Variants in TRIM69 observed in about 807,000 individuals in gnomAD.
TRIM69 encodes tripartite motif containing 69.
TRIM69 carries 29 observed loss-of-function variants against 37.7 expected under a neutral mutation model. The observed-to-expected ratio is 0.77, with a 90% CI of 0.57 to 1.05. TRIM69 has a LOEUF of 1.05. Ranked by LOEUF, TRIM69 falls within the 50% of genes least tolerant of loss-of-function variation. The pLI is 0.00. For missense variants in TRIM69, 596 were observed against 579.9 expected (o/e 1.03, Z -0.28); for synonymous variants, 209 against 212.4 (o/e 0.98, Z 0.14).
Position 44,755,075 on chromosome 15 carries a change from G to C in TRIM69, c.182G>C (p.Cys61Ser). 1 of 1,614,210 alleles carries C rather than the reference G, an allele frequency of 6.2e-7. No individual in the cohort carries two copies. The highest frequency in any genetic ancestry group is 2.2e-5 in the East Asian group (1 of 44,890). Reference sequence around the variant, plus strand: ...ATGCTAAGCTGTGGCCACAACTTCTGTGAAGCCTGTATCCAAGACTTTTGG... The same window carrying C: ...ATGCTAAGCTGTGGCCACAACTTCTCTGAAGCCTGTATCCAAGACTTTTGG... ...PLMLSCGHNF[C>S]EACIQDFWRL... is the part of the protein sequence containing the mutation. The change falls in exon 2 of 7, where the codon TGT becomes TCT. Residue 61 changes from cysteine (C) to serine (S), a missense_variant. Transcript: ENST00000329464.
rs554499681 is a variant in TRIM69, at chr15:44,745,773, A to G, written c.6+9063A>G. On this transcript the variant is annotated intron_variant, in intron 1 of 6. Transcript: ENST00000329464. The stretch of plus-strand genomic sequence containing the variant: ...ATAATAACTGAAATGAGAAATTCGC[A>G]AGAAGTGTTCAAATCAGATTTGAGC... Among the ~76,000 whole-genome samples the G allele has an allele frequency of 1.9e-4, 29 of 152,296 alleles. No individual in the cohort carries two copies. The South Asian group carries it at 5.6e-3, about 29-fold the overall frequency.
At chr15:44,754,209 C>G (rs933915885) in intron 1 of TRIM69, 3 of 151,606 alleles carry the variant, frequency 2.0e-5, no homozygotes, top group Admixed American at 1.3e-4. Context: ...TTACTGCAAC[C>G]TCTGCCTCCT....
At chr15:44,741,515 A>C (rs962615332) in intron 1 of TRIM69, among the ~76,000 whole-genome samples, 3 of 152,246 alleles carry the variant, frequency 2.0e-5, no homozygotes, top group African/African-American at 7.2e-5. Context: ...TCAAAAAGTT[A>C]ATGAATCCAG....
At chr15:44,759,692 T>A (rs1188782409) in intron 5 of TRIM69, 30 bp downstream of exon 5, 1 of 1,614,150 alleles carries the variant, frequency 6.2e-7, no homozygotes, top group Non-Finnish European at 8.5e-7. Context: ...ACTATTAATA[T>A]CATTCCTTGA....
At chr15:44,738,539 A>G (rs1269610959) in intron 1 of TRIM69, among the ~76,000 whole-genome samples, 1 of 152,242 alleles carries the variant, frequency 6.6e-6, no homozygotes, top group African/African-American at 2.4e-5. Context: ...CAGAAATTTT[A>G]GACTCTCATT....
At chr15:44,752,844 T>C (rs2141135707) in intron 1 of TRIM69, 1 of 152,296 alleles carries the variant, frequency 6.6e-6, no homozygotes. Flanking sequence ...CGATCTAGGG[T>C]GAATTAATGC....
chr15:44,747,113 C>G lies in TRIM69; in HGVS notation c.7-7787C>G, dbSNP rs183880469. Reference sequence around the variant, plus strand: ...CATCCTGTTGGCCACAACCCACAAGCCCTGGTACAGAACAAAGAGAACAGG... The same window carrying G: ...CATCCTGTTGGCCACAACCCACAAGGCCTGGTACAGAACAAAGAGAACAGG... On this transcript the variant is annotated intron_variant, in intron 1 of 6. Transcript: ENST00000329464. Among the ~76,000 whole-genome samples, 144 of 152,242 alleles carry G rather than the reference C, an allele frequency of 9.5e-4. 1 individual carries two copies. The highest frequency in any genetic ancestry group is 6.8e-3 in the Middle Eastern group (2 of 294).
At chr15:44,736,750 AG>A (rs1274507081) in intron 1 of TRIM69, 40 bp downstream of exon 1, 1 of 1,602,800 alleles carries the variant, frequency 6.2e-7, no homozygotes, top group African/African-American at 1.4e-5. Flanking sequence ...CAGGGCTTCT[AG>A]GAATAGTGTG....
At chr15:44,744,369 A>C (rs2087358341) in intron 1 of TRIM69, among the ~76,000 whole-genome samples, 1 of 147,698 alleles carries the variant, frequency 6.8e-6, no homozygotes, top group Non-Finnish European at 1.5e-5. Context: ...TGATGAGTTA[A>C]TGGGTGCAGC....
intron 3 of TRIM69, chr15:44,758,165 G>C: frequency 6.0e-6 from 1 of 166,462 alleles, no homozygotes; most frequent in Admixed American, 5.7e-5. Flanking sequence ...GGATGTTGAG[G>C]TAACCCAAGG....
At chr15:44,750,036 T>C (rs1213437124) in intron 1 of TRIM69, among the ~76,000 whole-genome samples, 1 of 152,254 alleles carries the variant, frequency 6.6e-6, no homozygotes, top group Non-Finnish European at 1.5e-5. Flanking sequence ...CTTTGCATAA[T>C]TGTCTATTCA....
intron 6 of TRIM69, among the ~76,000 whole-genome samples, chr15:44,760,506 C>T (rs2087752547): frequency 6.6e-6 from 1 of 151,960 alleles, no homozygotes; most frequent in Non-Finnish European, 1.5e-5. Context: ...TTCATAGACT[C>T]ATCATTATTA....
chr15:44,738,206 G>A (rs949418926), intron 1 of TRIM69, among the ~76,000 whole-genome samples: 4 of 149,210 alleles, frequency 2.7e-5, no homozygotes, highest in Non-Finnish European at 5.9e-5. Flanking sequence ...CTGCAGGGAC[G>A]CACCACCACG....
chr15:44,757,486 CT>C (rs1252950845), intron 3 of TRIM69: 5 of 151,944 alleles, frequency 3.3e-5, no homozygotes, highest in African/African-American at 1.2e-4. Flanking sequence ...AGGAGGTAGC[CT>C]GGAGAAGAAT....
intron 3 of TRIM69, 30 bp downstream of exon 3, chr15:44,756,493 T>C (rs763986092): frequency 1.8e-4 from 264 of 1,450,734 alleles, no homozygotes; most frequent in Admixed American, 2.4e-4. Context: ...GGTTATGAGA[T>C]AGAACTGGAA....
chr15:44,749,021 C>T (rs367714298), intron 1 of TRIM69, among the ~76,000 whole-genome samples: 1 of 151,718 alleles, frequency 6.6e-6, no homozygotes, highest in Non-Finnish European at 1.5e-5. Context: ...GCCGGGATTA[C>T]AGGCACGTGA....
rs916987052 is a variant in TRIM69 at position 44,736,546 on chromosome 15, G to T, written c.-159G>T. The T allele has an allele frequency of 1.4e-5, 10 of 691,950 alleles. No individual in the cohort carries two copies. The highest frequency in any genetic ancestry group is 2.1e-5 in the Non-Finnish European group (9 of 438,434). The allele number at this position is 691,950 out of a possible 1,614,324, so 42.9% of individuals were successfully genotyped here. Reference sequence around the variant, plus strand: ...ATCTGCCAGACCTCACTCTGGCCTTGCTGCTTCTCTCCAGCTCCTGAACTT... The same window carrying T: ...ATCTGCCAGACCTCACTCTGGCCTTTCTGCTTCTCTCCAGCTCCTGAACTT... On this transcript the variant is annotated 5_prime_UTR_variant, in exon 1 of 7. Transcript: ENST00000329464.
rs1035246716 is a variant in TRIM69 at position 44,756,377 on chromosome 15, G to C, written c.493G>C (p.Ala165Pro). The C allele has an allele frequency of 6.5e-7, 1 of 1,549,664 alleles. No individual in the cohort carries two copies. Among genetic ancestry groups the C allele is most frequent in the African/African-American group, 1.4e-5 (1 of 72,940 alleles). Residue 165 changes from alanine (A) to proline (P), a missense_variant, in exon 3 of 7, where the codon GCC (alanine) becomes CCC (proline). Physicochemically the swap from Ala to Pro is conservative, Grantham distance 27 (BLOSUM62 -1). Transcript: ENST00000329464. ...TATTTGATATTCCCAGGAGGAGCTT[G>C]CCATCCAACAGGGTCAACTGGAGAC... ...DAVHFFTEEL[A>P]IQQGQLETTL...
chr15:44,745,480 G>A (rs892248834), intron 1 of TRIM69, among the ~76,000 whole-genome samples: 4 of 152,084 alleles, frequency 2.6e-5, no homozygotes, highest in Admixed American at 6.6e-5. Context: ...TCAAAGTATC[G>A]GATATTCAAC....
Sources: allele counts gnomAD v4.1 joint callset (sites outside exome capture counted in the v4.1 genomes callset), GRCh38; gene constraint gnomAD v4.1.1; transcripts MANE v1.5; gene names NCBI Gene and HGNC (gene_info 2026-07-23, HGNC 2026-07-21).